The following TTC27 variants were observed in gnomAD, a reference collection of about 807,000 sequenced individuals.
TTC27 encodes the protein tetratricopeptide repeat domain 27.
TTC27 carries 79 observed loss-of-function variants against 115.9 expected under a neutral mutation model. That is an observed-to-expected ratio of 0.68 (90% CI 0.57 to 0.82). The LOEUF is 0.82. Ranked by LOEUF, TTC27 falls within the 40% of genes least tolerant of loss-of-function variation. TTC27 has a pLI of 0.00. For missense variants in TTC27, 1,054 were observed against 993.1 expected (o/e 1.06, Z -0.82); for synonymous variants, 401 against 356.0 (o/e 1.13, Z -1.42).
Position 32,775,454 on chromosome 2 carries a change from T to G in TTC27, c.1681-2428T>G, listed in dbSNP as rs1227053065. On this transcript the variant is annotated intron_variant, in intron 13 of 19. Transcript: ENST00000317907. The stretch of plus-strand genomic sequence containing the variant: ...ACCTCGTGATCCACCTGCCTCGGCC[T>G]CCCAAAGTGCTGGGATTACAGGTGT... 3.3e-5 allele frequency among the ~76,000 whole-genome samples: 5 copies of G among 152,180 alleles called. No homozygotes were observed. In the East Asian group the frequency reaches 9.6e-4, roughly 29 times the overall value.
chr2:32,776,422 C>G (rs1024423464), intron 13 of TTC27, among the ~76,000 whole-genome samples: 17 of 152,302 alleles, frequency 1.1e-4, no homozygotes, highest in Admixed American at 6.5e-4. Context: ...ACCTCATTTT[C>G]TTTCCTAACC....
At chr2:32,815,223 ATTTTTTTTTTTTTTTTTTTT>A (rs533493768) in intron 18 of TTC27, among the ~76,000 whole-genome samples, 2 of 55,498 alleles carry the variant, frequency 3.6e-5, no homozygotes, top group African/African-American at 1.9e-4. Flanking sequence ...GCTGCTTCAG[ATTTTTTTTTTTTTTTTTTTT>A]TTTTTTTTTT....
At chr2:32,768,924 G>A (rs868509863) in intron 13 of TTC27, among the ~76,000 whole-genome samples, 26 of 152,174 alleles carry the variant, frequency 1.7e-4, no homozygotes, top group African/African-American at 6.0e-4. Context: ...AATATCTTTT[G>A]CCAGCAAGGT....
At chr2:32,752,869 A>G (rs1206990402) in intron 12 of TTC27, among the ~76,000 whole-genome samples, 13 of 152,156 alleles carry the variant, frequency 8.5e-5, no homozygotes, top group African/African-American at 2.4e-4. Context: ...CCTGGCCAGG[A>G]TGAAGTAACT....
intron 3 of TTC27, 63 bp from the exon 4 acceptor site, chr2:32,640,207 A>C: frequency 1.4e-6 from 2 of 1,446,706 alleles, no homozygotes; most frequent in Middle Eastern, 3.7e-4. Context: ...GTATTATTAC[A>C]AGACATATAA....
chr2:32,803,396 T>G (rs910114179), intron 16 of TTC27, among the ~76,000 whole-genome samples: 4 of 152,158 alleles, frequency 2.6e-5, no homozygotes, highest in Non-Finnish European at 2.9e-5. Flanking sequence ...ATGCTGATGG[T>G]AAATGTCATG....
At chr2:32,695,717 T>C (rs1559209888) in intron 9 of TTC27, among the ~76,000 whole-genome samples, 1 of 53,788 alleles carries the variant, frequency 1.9e-5, no homozygotes, top group Non-Finnish European at 3.2e-5. Context: ...AGGCTCTATC[T>C]CAAAAAAAAA....
intron 5 of TTC27, among the ~76,000 whole-genome samples, chr2:32,659,611 C>T (rs1368286714): frequency 3.8e-5 from 5 of 130,112 alleles, no homozygotes; most frequent in African/African-American, 5.0e-5. Flanking sequence ...TAGGTATGCA[C>T]GTGCCATGGT....
intron 1 of TTC27, among the ~76,000 whole-genome samples, chr2:32,628,777 A>T (rs149178776): frequency 0.016 from 2,343 of 143,950 alleles, 20 homozygotes; most frequent in African/African-American, 0.028. Context: ...TTATTTATTT[A>T]TTGAGACGGA....
At chr2:32,628,733 T>TTTTA (rs2063532112) in intron 1 of TTC27, among the ~76,000 whole-genome samples, 1 of 139,752 alleles carries the variant, frequency 7.2e-6, no homozygotes, top group African/African-American at 2.8e-5. Flanking sequence ...AGTAATTTTA[T>TTTTA]TTTATCTATT....
chr2:32,778,923 T>C (rs562662351), intron 14 of TTC27, among the ~76,000 whole-genome samples: 1 of 152,290 alleles, frequency 6.6e-6, no homozygotes, highest in South Asian at 2.1e-4. Flanking sequence ...GCCAGACTGT[T>C]TTCCAAAGTA....
chr2:32,691,157 C>G (rs1445045170), intron 9 of TTC27, among the ~76,000 whole-genome samples: 2 of 152,140 alleles, frequency 1.3e-5, no homozygotes, highest in African/African-American at 4.8e-5. Flanking sequence ...AAATGACACT[C>G]TAGATCCTCT....
chr2:32,767,427 A>G (rs1290174014), intron 13 of TTC27, among the ~76,000 whole-genome samples: 2 of 150,828 alleles, frequency 1.3e-5, no homozygotes, highest in Non-Finnish European at 3.0e-5. Context: ...AAAAGATACT[A>G]AGTGAATATT....
chr2:32,704,919 C>G (rs938745359), intron 10 of TTC27: 1 of 471,078 alleles, frequency 2.1e-6, no homozygotes, highest in Non-Finnish European at 4.4e-6. Context: ...ATTCAGTAAG[C>G]TTGTGTTTGT....
chr2:32,787,062 C>T lies in TTC27; in HGVS notation c.1911C>T (p.Leu637=), dbSNP rs756686098. Residue 637 remains leucine, a synonymous_variant, in exon 16 of 20, where the codon CTC becomes CTT. Coordinates refer to ENST00000317907, the MANE Select transcript of TTC27 (RefSeq NM_017735.5). ...GGCAGATTTGGGAAAACTACATCCT[C>T]ACCAGCACTGACGTTGGGGAATTTT... is the stretch of plus-strand genomic sequence containing the variant. ...EHWQIWENYI[L]TSTDVGEFSE... The T allele has an allele frequency of 6.2e-7, 1 of 1,614,126 alleles. No individual in the cohort carries two copies. Among genetic ancestry groups the T allele is most frequent in the Non-Finnish European group, 8.5e-7 (1 of 1,180,000 alleles).
rs764505388 is a variant in TTC27, at chr2:32,666,587, G to C, written c.806-48G>C. 6.9e-6 allele frequency: 11 copies of C among 1,599,480 alleles called. No individual in the cohort carries two copies. In the South Asian group the frequency reaches 1.1e-4, roughly 16 times the overall value. ...AAATATTACTCTTCATGACTGTACA[G>C]TAGATCTCATGGGTAAGTCAGTAGA... On this transcript the variant is annotated intron_variant, in intron 6 of 19. Coordinates refer to ENST00000317907, the MANE Select transcript of TTC27 (RefSeq NM_017735.5).
At chr2:32,684,419 A>G (rs1218451681) in intron 9 of TTC27, among the ~76,000 whole-genome samples, 1 of 152,030 alleles carries the variant, frequency 6.6e-6, no homozygotes, top group Admixed American at 6.6e-5. Context: ...AAGTATAATA[A>G]TAATAAATTT....
intron 3 of TTC27, among the ~76,000 whole-genome samples, chr2:32,636,889 G>A (rs1434054042): frequency 1.3e-5 from 2 of 152,158 alleles, no homozygotes; most frequent in African/African-American, 2.4e-5. Context: ...TCCATTCTAG[G>A]TGCAGTCATA....
chr2:32,805,186 G>A (rs1416830219), intron 16 of TTC27, among the ~76,000 whole-genome samples: 1 of 152,190 alleles, frequency 6.6e-6, no homozygotes, highest in Non-Finnish European at 1.5e-5. Context: ...CAGCTCCTCT[G>A]TGCTCCAGTT....
Sources: gnomAD v4.1 joint callset for allele counts (sites outside exome capture counted in the v4.1 genomes callset) on GRCh38, gnomAD v4.1.1 for gene constraint, MANE v1.5 for transcripts, NCBI Gene and HGNC (gene_info 2026-07-23, HGNC 2026-07-21) for gene names.